The following OCEL1 variants were observed in gnomAD, a reference collection of about 807,000 sequenced individuals.
The protein encoded by OCEL1 is occludin/ELL domain containing 1.
A neutral mutation model predicts 29.4 loss-of-function variants in OCEL1; 24 were observed. The ratio of observed to expected loss-of-function variants is 0.82; its 90% CI spans 0.59 to 1.15. The LOEUF is 1.15. Among genes scored for constraint, OCEL1 ranks in the 50% most tolerant of loss-of-function variants. OCEL1 has a pLI of 0.00. For synonymous variants in OCEL1, 172 were observed against 145.3 expected (o/e 1.18, Z -1.32); for missense variants, 402 against 352.5 (o/e 1.14, Z -1.13).
At chr19:17,226,945 C>A in intron 2 of OCEL1, 49 bp from the exon 3 acceptor site, 1 of 1,532,834 alleles carries the variant, frequency 6.5e-7, no homozygotes. Flanking sequence ...TGAGGGACTC[C>A]GGTTTCCCGA....
At chr19:17,226,575 C>A in intron 1 of OCEL1, 118 bp from the exon 2 acceptor site, 3 of 1,158,242 alleles carry the variant, frequency 2.6e-6, no homozygotes, top group South Asian at 1.6e-5. Flanking sequence ...AAATAGCGGT[C>A]GTTCTGGGGA....
At chr19:17,228,458 T>G (rs991923078) in intron 5 of OCEL1, 149 bp downstream of exon 5, 4 of 783,850 alleles carry the variant, frequency 5.1e-6, no homozygotes, top group Non-Finnish European at 6.1e-6. Context: ...TGATCTCAGC[T>G]CACTGCAACC....
At chr19:17,228,384 C>CT (rs113462551) in intron 5 of OCEL1, 75 bp downstream of exon 5, 103,245 of 1,247,770 alleles carry the variant, frequency 0.083, 1,900 homozygotes, top group Middle Eastern at 0.18. Flanking sequence ...TGCCCAGTTT[C>CT]TTTTTTTTTT....
rs758512411 is a variant in OCEL1, at chr19:17,229,015, C to A, written c.*90C>A. ...TCAGCTTTTCCTCTTGCAGCTCCCC[C>A]TACCAGGGGTCGCTTTCTCCTGGAT... On this transcript the variant is annotated 3_prime_UTR_variant, in exon 6 of 6. Transcript: ENST00000215061. 6.8e-7 allele frequency: 1 copy of A among 1,475,102 alleles called. No homozygotes were observed. The highest frequency in any genetic ancestry group is 2.4e-5 in the East Asian group (1 of 42,282). 91.4% of individuals were successfully genotyped at this position (1,475,102 alleles called of 1,614,324 possible).
Position 17,229,078 on chromosome 19 carries a change from C to A in OCEL1, c.*153C>A. ...TTCAGTTTGGACTCAGCTCTGACAG[C>A]CCCTCCTCCAGGAAGGCCTTCCAGG... On this transcript the variant is annotated 3_prime_UTR_variant, in exon 6 of 6. Coordinates refer to ENST00000215061, the MANE Select transcript of OCEL1 (RefSeq NM_024578.3). The A allele has an allele frequency of 1.2e-6, 1 of 825,844 alleles. No homozygotes were observed. The highest frequency in any genetic ancestry group is 1.8e-6 in the Non-Finnish European group (1 of 557,150). 51.2% of individuals were successfully genotyped at this position (825,844 alleles called of 1,614,324 possible). A position where few individuals can be genotyped will look rare whatever the true frequency, so the allele number is the denominator to read the frequency against.
At chr19:17,226,484 C>A (rs1261926169) in intron 1 of OCEL1, 168 bp downstream of exon 1, 1 of 932,388 alleles carries the variant, frequency 1.1e-6, no homozygotes, top group Non-Finnish European at 1.6e-6. Context: ...CGTCAGAGTT[C>A]ATTTACATAG....
At chr19:17,228,398 TC>T (rs2073382521) in intron 5 of OCEL1, 89 bp downstream of exon 5, 1 of 1,362,028 alleles carries the variant, frequency 7.3e-7, no homozygotes, top group East Asian at 2.3e-5. Flanking sequence ...TTTTTTTCTT[TC>T]TTTTGAGACA....
chr19:17,228,202 T>C lies in OCEL1; in HGVS notation c.619-54T>C, dbSNP rs2073379667. ...GTCTGTCTGAGCCTCAGTTTCTTCA[T>C]CCCTTCTTGAATTCAACTCTCCCTA... is the stretch of plus-strand genomic sequence containing the variant. On this transcript the variant is annotated intron_variant, in intron 4 of 5. Coordinates refer to ENST00000215061, the MANE Select transcript of OCEL1 (RefSeq NM_024578.3). 23 of 1,601,142 alleles carry C rather than the reference T, an allele frequency of 1.4e-5. 1 individual carries two copies. Among genetic ancestry groups the C allele is most frequent in the Non-Finnish European group, 1.7e-5 (20 of 1,168,574 alleles).
In OCEL1 at chr19:17,227,066, C is replaced by G. The variant is rs1324986489; in HGVS notation, c.319C>G (p.His107Asp). The change falls in exon 3 of 6, where the codon CAC (histidine) becomes GAC (aspartate). Residue 107 changes from histidine (H) to aspartate (D), a missense_variant. His to Asp is a moderately conservative substitution (Grantham distance 81, BLOSUM62 -1). Transcript: ENST00000215061. ...TCCGTGCCAGCCCCAGCCGGGACCC[C>G]ACAAGGCAAAGACCAAGAAGATTGT... Reference protein sequence around the residue: ...RPPCQPQPGPHKAKTKKIVFE... With the variant: ...RPPCQPQPGPDKAKTKKIVFE... 3 of 1,609,442 alleles carry G rather than the reference C, an allele frequency of 1.9e-6. No homozygotes were observed. The highest frequency in any genetic ancestry group is 2.5e-6 in the Non-Finnish European group (3 of 1,179,188).
At chr19:17,226,513 A>C (rs538716289) in intron 1 of OCEL1, 180 bp from the exon 2 acceptor site, 30 of 884,944 alleles carry the variant, frequency 3.4e-5, no homozygotes, top group Admixed American at 8.7e-5. Flanking sequence ...TGGGTTGCGC[A>C]GTCGTGGGCG....
intron 3 of OCEL1, 119 bp downstream of exon 3, chr19:17,227,318 T>A: frequency 1.1e-6 from 1 of 920,718 alleles, no homozygotes. Flanking sequence ...CCCTTGCTGA[T>A]CAGTAGTGGG....
intron 4 of OCEL1, 75 bp downstream of exon 4, chr19:17,228,080 G>A: frequency 6.4e-7 from 1 of 1,570,224 alleles, no homozygotes; most frequent in Non-Finnish European, 8.7e-7. Flanking sequence ...ACACCCACTG[G>A]GTCCAGATTT....
At chr19:17,227,705 A>G (rs2073374611) in intron 3 of OCEL1, 135 bp from the exon 4 acceptor site, 1 of 797,134 alleles carries the variant, frequency 1.3e-6, no homozygotes, top group Admixed American at 3.1e-5. Flanking sequence ...AATAATAATA[A>G]ATAAATTAAA....
chr19:17,228,393 T>C, intron 5 of OCEL1, 84 bp downstream of exon 5: 1 of 1,397,518 alleles, frequency 7.2e-7, no homozygotes, highest in Non-Finnish European at 9.9e-7. Flanking sequence ...TCTTTTTTTT[T>C]TCTTTCTTTT....
intron 1 of OCEL1, 120 bp from the exon 2 acceptor site, chr19:17,226,573 G>C: frequency 1.7e-6 from 2 of 1,154,630 alleles, no homozygotes; most frequent in Non-Finnish European, 2.4e-6. Context: ...GCAAATAGCG[G>C]TCGTTCTGGG....
rs753038970 is a variant in OCEL1 at position 17,226,708 on chromosome 19, C to A, written c.85C>A (p.Pro29Thr). ...CCACCCACAGGCCGCCCGCAGACCACCCCCGCCGCGCGCGGGACACGACGC... is the reference window on the plus strand; with the variant it reads ...CCACCCACAGGCCGCCCGCAGACCAACCCCGCCGCGCGCGGGACACGACGC... ...QTLGQAARRP[P>T]PPRAGHDAPR... The change falls in exon 2 of 6, where the codon CCC (proline) becomes ACC (threonine). Residue 29 changes from proline (P) to threonine (T), a missense_variant. Physicochemically the swap from Pro to Thr is conservative, Grantham distance 38. Coordinates refer to ENST00000215061, the MANE Select transcript of OCEL1 (RefSeq NM_024578.3). 2 of 1,503,698 alleles carry A rather than the reference C, an allele frequency of 1.3e-6. No homozygotes were observed. The highest frequency in any genetic ancestry group is 1.8e-6 in the Non-Finnish European group (2 of 1,135,184). 93.1% of individuals were successfully genotyped at this position (1,503,698 alleles called of 1,614,324 possible). A position where few individuals can be genotyped will look rare whatever the true frequency, so the allele number is the denominator to read the frequency against.
rs1176767052 is a variant in OCEL1, at chr19:17,227,995, C to T, written c.608C>T (p.Pro203Leu). 6.2e-6 allele frequency: 10 copies of T among 1,611,850 alleles called. No individual in the cohort carries two copies. Among genetic ancestry groups the T allele is most frequent in the African/African-American group, 2.7e-5 (2 of 74,842 alleles). Residue 203 changes from proline to leucine, a missense_variant, in exon 4 of 6, where the codon CCC becomes CTC. Coordinates refer to ENST00000215061, the MANE Select transcript of OCEL1 (RefSeq NM_024578.3). ...GCCCTGCTGAGCTCCCTGCCCCCAC[C>T]CCAAAGCCAGGTCAGCACTAGGGAG... Reference protein sequence around the residue: ...LEALLSSLPPPQSQKEAQVAA... With the variant: ...LEALLSSLPPLQSQKEAQVAA...
rs2073359800 is a variant in OCEL1, at chr19:17,226,420, C to T, written c.69+104C>T. Reference sequence around the variant, plus strand: ...TGTGGGCTCTGCGCGCCCTGGAGGTCGAGGCTCCGGCAGCGCGGGGGTTAA... The same window carrying T: ...TGTGGGCTCTGCGCGCCCTGGAGGTTGAGGCTCCGGCAGCGCGGGGGTTAA... On this transcript the variant is annotated intron_variant, in intron 1 of 5. Coordinates refer to ENST00000215061, the MANE Select transcript of OCEL1 (RefSeq NM_024578.3). 29 of 1,348,536 alleles carry T rather than the reference C, an allele frequency of 2.2e-5. No homozygotes were observed. The South Asian group carries it at 3.2e-4, about 15-fold the overall frequency. The allele number at this position is 1,348,536 out of a possible 1,614,324, so 83.5% of individuals were successfully genotyped here. A position where few individuals can be genotyped will look rare whatever the true frequency, so the allele number is the denominator to read the frequency against.
rs573715368 is a variant in OCEL1 at position 17,226,258 on chromosome 19, C to G, written c.11C>G (p.Pro4Arg). 5.6e-6 allele frequency: 9 copies of G among 1,611,182 alleles called. No individual in the cohort carries two copies. In the East Asian group the frequency reaches 2.0e-4, roughly 36 times the overall value. Reference protein sequence around the residue: MHNPDGSASPTADP... With the variant: MHNRDGSASPTADP... The stretch of plus-strand genomic sequence containing the variant: ...TCCATCCTGCAGTAAATGCACAACC[C>G]GGACGGAAGTGCCTCTCCGACAGCA... Residue 4 changes from proline (P) to arginine (R), a missense_variant, in exon 1 of 6, where the codon CCG (proline) becomes CGG (arginine). Transcript: ENST00000215061.
Sources: gnomAD v4.1 joint callset for allele counts on GRCh38, gnomAD v4.1.1 for gene constraint, MANE v1.5 for transcripts, NCBI Gene and HGNC (gene_info 2026-07-23, HGNC 2026-07-21) for gene names.